Variants in SNTG1 observed in about 807,000 individuals in gnomAD.
SNTG1 encodes the protein syntrophin gamma 1.
Under a neutral mutation model 74.7 loss-of-function variants are expected in SNTG1, and 39 were observed. That is an observed-to-expected ratio of 0.52 (90% CI 0.40 to 0.68). The LOEUF is 0.68. Ranked by LOEUF, SNTG1 falls within the 30% of genes least tolerant of loss-of-function variation. SNTG1 has a pLI of 0.00. For synonymous variants in SNTG1, 254 were observed against 217.1 expected, an observed-to-expected ratio of 1.17 and a Z score of -1.49; for missense variants, 685 against 609.5, an observed-to-expected ratio of 1.12 and a Z score of -1.30.
At chr8:50,737,845 A>G (rs7818025) in intron 17 of SNTG1, among the ~76,000 whole-genome samples, 63,320 of 151,962 alleles carry the variant, frequency 0.42, 15,659 homozygotes, top group African/African-American at 0.69. Flanking sequence ...AAAGGCCTTC[A>G]ATAAAATTCA....
At chr8:50,298,994 C>A (rs1174608788) in intron 2 of SNTG1, among the ~76,000 whole-genome samples, 2 of 151,986 alleles carry the variant, frequency 1.3e-5, no homozygotes, top group Admixed American at 6.6e-5. Context: ...TTTTAAATGC[C>A]TTTGTTTGAA....
At chr8:50,363,673 T>G (rs2131089578) in intron 2 of SNTG1, among the ~76,000 whole-genome samples, 1 of 151,606 alleles carries the variant, frequency 6.6e-6, no homozygotes, top group African/African-American at 2.4e-5. Context: ...TACAAACACT[T>G]TTTTTTCTGT....
At chr8:50,786,207 C>G in intron 18 of SNTG1, among the ~76,000 whole-genome samples, 1 of 151,958 alleles carries the variant, frequency 6.6e-6, no homozygotes, top group East Asian at 1.9e-4. Context: ...GCACAAAAAT[C>G]AGCTGTATTT....
intron 2 of SNTG1, among the ~76,000 whole-genome samples, chr8:50,361,734 T>C (rs2091964063): frequency 6.6e-6 from 1 of 152,108 alleles, no homozygotes. Flanking sequence ...CCACTTAACA[T>C]GAACCTAGGA....
At chr8:50,776,143 G>A (rs191329155) in intron 18 of SNTG1, among the ~76,000 whole-genome samples, 10 of 150,336 alleles carry the variant, frequency 6.7e-5, no homozygotes, top group Admixed American at 5.3e-4. Flanking sequence ...TTTGAATTTT[G>A]TTCTCTCTCT....
intron 4 of SNTG1, among the ~76,000 whole-genome samples, chr8:50,420,750 G>A (rs1211781046): frequency 2.6e-5 from 4 of 152,022 alleles, no homozygotes; most frequent in Non-Finnish European, 4.4e-5. Context: ...AGATAGGCCA[G>A]GTGCAGTAGT....
intron 16 of SNTG1, 177 bp from the exon 17 acceptor site, chr8:50,708,709 C>T (rs1469326242): frequency 1.8e-6 from 1 of 566,956 alleles, no homozygotes; most frequent in Non-Finnish European, 3.1e-6. Context: ...ACCCAACACT[C>T]TCAGCTTCTG....
chr8:50,221,425 A>AAATATTAATAAAAAATAG (rs764228599), intron 2 of SNTG1, among the ~76,000 whole-genome samples: 9 of 151,890 alleles, frequency 5.9e-5, no homozygotes, highest in Non-Finnish European at 1.2e-4. Context: ...CAACGTGGCA[A>AAATATTAATAAAAAATAG]AATATTAATA....
chr8:50,640,331 C>T (rs2131168027), intron 13 of SNTG1, among the ~76,000 whole-genome samples: 2 of 152,308 alleles, frequency 1.3e-5, no homozygotes, highest in East Asian at 3.9e-4. Flanking sequence ...CAGTCATCTA[C>T]AAAGCCTCTC....
intron 4 of SNTG1, among the ~76,000 whole-genome samples, chr8:50,422,725 G>T (rs1159598596): frequency 1.3e-5 from 2 of 152,104 alleles, no homozygotes. Flanking sequence ...TAGACATGCA[G>T]AAACCTGAAA....
At chr8:50,553,242 T>C in intron 12 of SNTG1, 63 bp downstream of exon 12, 1 of 1,586,084 alleles carries the variant, frequency 6.3e-7, no homozygotes, top group East Asian at 2.2e-5. Flanking sequence ...TCCTTCAGTA[T>C]ATATGTAACT....
chr8:50,401,603 GTA>G lies in SNTG1; in HGVS notation c.28-605_28-604del, dbSNP rs61580066. ...AGGTATAAACTGTGTGTGTGTGTGT[GTA>G]TGTGAGTGCGTGTTCATGCAAGTCT... is the stretch of plus-strand genomic sequence containing the variant. On this transcript the variant is annotated intron_variant, in intron 3 of 18. Transcript: ENST00000642720. Among the ~76,000 whole-genome samples, 1,374 of 152,128 alleles carry G rather than the reference GTA, an allele frequency of 9.0e-3. 25 individuals carry two copies. The highest frequency in any genetic ancestry group is 0.031 in the African/African-American group (1,302 of 41,496).
chr8:50,484,807 C>T (rs779958962), intron 8 of SNTG1, among the ~76,000 whole-genome samples: 7 of 150,460 alleles, frequency 4.7e-5, no homozygotes, highest in Non-Finnish European at 7.4e-5. Flanking sequence ...TTCAGTGAGC[C>T]GAGATCACGC....
chr8:50,039,862 C>T (rs945762178), intron 1 of SNTG1, among the ~76,000 whole-genome samples: 1 of 152,134 alleles, frequency 6.6e-6, no homozygotes, highest in Non-Finnish European at 1.5e-5. Context: ...ACTGAACTTG[C>T]TAATGATTGA....
intron 15 of SNTG1, among the ~76,000 whole-genome samples, chr8:50,674,156 T>G (rs145849802): frequency 9.2e-5 from 14 of 151,972 alleles, no homozygotes; most frequent in Middle Eastern, 3.4e-3. Flanking sequence ...TGTGTCTCTT[T>G]CCAGTTTTGG....
intron 1 of SNTG1, among the ~76,000 whole-genome samples, chr8:50,123,012 T>C (rs1200548763): frequency 2.1e-5 from 3 of 142,662 alleles, no homozygotes; most frequent in Non-Finnish European, 4.7e-5. Context: ...CTGTGACAGA[T>C]TCAGAAACTA....
At chr8:50,405,890 A>G (rs2092868654) in intron 4 of SNTG1, among the ~76,000 whole-genome samples, 1 of 152,106 alleles carries the variant, frequency 6.6e-6, no homozygotes. Flanking sequence ...TGCCGTATAT[A>G]TAAGGGGGTA....
intron 9 of SNTG1, among the ~76,000 whole-genome samples, chr8:50,514,015 G>T (rs956931679): frequency 6.6e-6 from 1 of 152,162 alleles, no homozygotes; most frequent in African/African-American, 2.4e-5. Context: ...CTCATGCTGG[G>T]AGCTGTAGAC....
intron 2 of SNTG1, among the ~76,000 whole-genome samples, chr8:50,308,162 T>A (rs2130728481): frequency 6.6e-6 from 1 of 151,820 alleles, no homozygotes; most frequent in East Asian, 1.9e-4. Flanking sequence ...AGGACTCAGA[T>A]GGTCCCAGCA....
Sources: gnomAD v4.1 joint callset for allele counts (sites outside exome capture counted in the v4.1 genomes callset) on GRCh38, gnomAD v4.1.1 for gene constraint, MANE v1.5 for transcripts, NCBI Gene and HGNC (gene_info 2026-07-23, HGNC 2026-07-21) for gene names.